Variants in RHOJ observed in about 807,000 individuals in gnomAD.
RHOJ encodes the protein rho-related GTP-binding protein RhoJ.
Under a neutral mutation model 23.4 loss-of-function variants are expected in RHOJ, and 11 were observed. That is an observed-to-expected ratio of 0.47 (90% CI 0.30 to 0.78). The LOEUF (loss-of-function observed/expected upper bound fraction) is 0.78, where lower values mean the gene tolerates loss of function less well. Among genes scored for constraint, RHOJ ranks in the 30% least tolerant of loss-of-function variants. The pLI, the probability that RHOJ is intolerant of heterozygous loss-of-function variation, is 0.08. For missense variants in RHOJ, 254 were observed against 273.4 expected (o/e 0.93, Z 0.50); for synonymous variants, 102 against 102.7 (o/e 0.99, Z 0.04).
At chr14:63,252,662 A>G (rs527325841) in intron 1 of RHOJ, among the ~76,000 whole-genome samples, 1 of 151,856 alleles carries the variant, frequency 6.6e-6, no homozygotes, top group South Asian at 2.1e-4. Flanking sequence ...TTGTCCCCCA[A>G]TCCCCCATAC....
intron 1 of RHOJ, among the ~76,000 whole-genome samples, chr14:63,252,960 A>G (rs1218600891): frequency 6.6e-6 from 1 of 152,238 alleles, no homozygotes; most frequent in East Asian, 1.9e-4. Flanking sequence ...CATTTCTAAC[A>G]GACAAATTAC....
intron 1 of RHOJ, among the ~76,000 whole-genome samples, chr14:63,243,154 T>A (rs1158417259): frequency 6.6e-6 from 1 of 152,182 alleles, no homozygotes; most frequent in African/African-American, 2.4e-5. Context: ...AGGTTCTCTC[T>A]AGCCCCAATC....
intron 1 of RHOJ, among the ~76,000 whole-genome samples, chr14:63,241,181 G>A (rs909567330): frequency 6.6e-6 from 1 of 152,206 alleles, no homozygotes; most frequent in Non-Finnish European, 1.5e-5. Flanking sequence ...TCATTCCATG[G>A]TCATTGAAGT....
intron 2 of RHOJ, among the ~76,000 whole-genome samples, chr14:63,273,181 A>T (rs555096749): frequency 2.0e-4 from 31 of 152,346 alleles, no homozygotes; most frequent in Non-Finnish European, 4.1e-4. Flanking sequence ...AACTCCGTTT[A>T]ATTCCCTGTT....
intron 4 of RHOJ, chr14:63,284,375 G>T (rs1882012828): frequency 9.1e-6 from 9 of 983,832 alleles, no homozygotes; most frequent in Non-Finnish European, 1.1e-5. Context: ...CGTCCATGGA[G>T]TCCTTAGGAT....
chr14:63,249,867 C>A (rs1474181551), intron 1 of RHOJ, among the ~76,000 whole-genome samples: 1 of 152,172 alleles, frequency 6.6e-6, no homozygotes, highest in Non-Finnish European at 1.5e-5. Context: ...AGGTTAAGAA[C>A]CACTGCTCTT....
intron 2 of RHOJ, among the ~76,000 whole-genome samples, chr14:63,275,724 AC>A (rs1334347052): frequency 2.4e-4 from 36 of 152,306 alleles, no homozygotes. Context: ...GCAAATAAGC[AC>A]CTGTTTTCCA....
At chr14:63,212,292 C>G (rs1894254700) in intron 1 of RHOJ, among the ~76,000 whole-genome samples, 1 of 152,092 alleles carries the variant, frequency 6.6e-6, no homozygotes, top group African/African-American at 2.4e-5. Context: ...CCCTCTGTGC[C>G]CAAAAGAGGG....
chr14:63,281,230 G>T (rs940662392), intron 3 of RHOJ, 95 bp downstream of exon 3: 1 of 1,221,244 alleles, frequency 8.2e-7, no homozygotes, highest in South Asian at 1.6e-5. Flanking sequence ...AAACGCTATG[G>T]AAGTGTGTCT....
intron 1 of RHOJ, among the ~76,000 whole-genome samples, chr14:63,220,519 T>C (rs1894468530): frequency 6.6e-6 from 1 of 151,272 alleles, no homozygotes; most frequent in Non-Finnish European, 1.5e-5. Flanking sequence ...CCAAACAAAA[T>C]TCAGGTCTCA....
intron 4 of RHOJ, among the ~76,000 whole-genome samples, chr14:63,287,609 T>C (rs1243156828): frequency 6.6e-6 from 1 of 152,140 alleles, no homozygotes; most frequent in Admixed American, 6.5e-5. Flanking sequence ...GTTTTTTTTT[T>C]TTTTTCTTAT....
intron 2 of RHOJ, among the ~76,000 whole-genome samples, chr14:63,273,102 C>T (rs1895501436): frequency 6.6e-6 from 1 of 152,224 alleles, no homozygotes; most frequent in Non-Finnish European, 1.5e-5. Flanking sequence ...CATTAGCTCC[C>T]TTCCCCAAAC....
chr14:63,291,169 C>T lies in RHOJ; in HGVS notation c.*145C>T. 1 of 864,900 alleles carries T rather than the reference C, an allele frequency of 1.2e-6. No individual in the cohort carries two copies. Among genetic ancestry groups the T allele is most frequent in the Non-Finnish European group, 1.9e-6 (1 of 532,210 alleles). 53.6% of individuals were successfully genotyped at this position (864,900 alleles called of 1,614,324 possible). A position where few individuals can be genotyped will look rare whatever the true frequency, so the allele number is the denominator to read the frequency against. The stretch of plus-strand genomic sequence containing the variant: ...TGCCCCATCACCCTCTGAGCCCTCC[C>T]AACACAGCACACTAGTCAGCCCACT... On this transcript the variant is annotated 3_prime_UTR_variant, in exon 5 of 5. Coordinates refer to ENST00000316754, the MANE Select transcript of RHOJ (RefSeq NM_020663.5).
At chr14:63,250,092 C>G (rs1895042829) in intron 1 of RHOJ, among the ~76,000 whole-genome samples, 1 of 152,206 alleles carries the variant, frequency 6.6e-6, no homozygotes, top group Admixed American at 6.5e-5. Context: ...TCCCACATCT[C>G]TACTGCTACC....
chr14:63,221,049 C>A (rs1894481417), intron 1 of RHOJ, among the ~76,000 whole-genome samples: 1 of 152,156 alleles, frequency 6.6e-6, no homozygotes, highest in South Asian at 2.1e-4. Flanking sequence ...GCTGCTCGGG[C>A]TGGGCACAGT....
chr14:63,290,673 A>C (rs1882217238), intron 4 of RHOJ, among the ~76,000 whole-genome samples: 1 of 146,206 alleles, frequency 6.8e-6, no homozygotes. Flanking sequence ...GAAAGTAAAA[A>C]ATACAAAAAT....
At chr14:63,249,073 C>A (rs1895024275) in intron 1 of RHOJ, among the ~76,000 whole-genome samples, 1 of 152,212 alleles carries the variant, frequency 6.6e-6, no homozygotes, top group African/African-American at 2.4e-5. Flanking sequence ...CTCATCAGAG[C>A]CCATTCTTGC....
intron 2 of RHOJ, among the ~76,000 whole-genome samples, chr14:63,270,685 T>C (rs936011790): frequency 1.3e-5 from 2 of 152,190 alleles, no homozygotes; most frequent in African/African-American, 4.8e-5. Flanking sequence ...CAGGAACTCA[T>C]AGACTGAAAG....
chr14:63,223,652 G>C (rs888980981), intron 1 of RHOJ, among the ~76,000 whole-genome samples: 6 of 152,030 alleles, frequency 3.9e-5, no homozygotes, highest in Admixed American at 2.0e-4. Flanking sequence ...AGAAAAGACA[G>C]AGAAAACCAG....
Sources: allele counts gnomAD v4.1 joint callset (sites outside exome capture counted in the v4.1 genomes callset), GRCh38; gene constraint gnomAD v4.1.1; transcripts MANE v1.5; gene names NCBI Gene and HGNC (gene_info 2026-07-23, HGNC 2026-07-21).